C8orf34: variants seen among roughly 807,000 people sequenced by gnomAD.
The protein encoded by C8orf34 is uncharacterized protein C8orf34.
In C8orf34, 65 loss-of-function variants were observed where a neutral mutation model predicts 68.3. The observed-to-expected ratio is 0.95, with a 90% CI of 0.78 to 1.17. C8orf34 has a LOEUF of 1.17. Ranked by LOEUF, C8orf34 falls within the 50% of genes most tolerant of loss-of-function variation. The pLI is 0.00. For synonymous variants in C8orf34, 244 were observed against 241.2 expected, an observed-to-expected ratio of 1.01 and a Z score of -0.11; for missense variants, 664 against 655.4, an observed-to-expected ratio of 1.01 and a Z score of -0.14.
intron 6 of C8orf34, among the ~76,000 whole-genome samples, chr8:68,523,235 C>T (rs967356625): frequency 2.0e-5 from 3 of 152,160 alleles, no homozygotes; most frequent in African/African-American, 7.2e-5. Context: ...GCTTATAAAA[C>T]CTACTAGACT....
At chr8:68,808,630 T>C (rs1433807416) in intron 12 of C8orf34, among the ~76,000 whole-genome samples, 2 of 151,784 alleles carry the variant, frequency 1.3e-5, no homozygotes, top group East Asian at 1.9e-4. Context: ...TTATAAGTAA[T>C]GTAGAGATTA....
At chr8:68,410,827 A>G (rs1226047164) in intron 1 of C8orf34, among the ~76,000 whole-genome samples, 2 of 152,196 alleles carry the variant, frequency 1.3e-5, no homozygotes, top group East Asian at 3.8e-4. Flanking sequence ...GCAACTGCCA[A>G]CAGCACCCCT....
chr8:68,376,606 T>C (rs1380460529), intron 1 of C8orf34, among the ~76,000 whole-genome samples: 1 of 151,380 alleles, frequency 6.6e-6, no homozygotes, highest in African/African-American at 2.4e-5. Context: ...TGTGCATCTT[T>C]CTCCTTTTTT....
At chr8:68,538,468 C>CT (rs10719415) in intron 7 of C8orf34, among the ~76,000 whole-genome samples, 45 of 147,038 alleles carry the variant, frequency 3.1e-4, no homozygotes, top group East Asian at 6.0e-4. Flanking sequence ...CTCTAAAGTG[C>CT]TTTTTTTTTT....
chr8:68,586,036 A>G (rs1817200121), intron 7 of C8orf34, among the ~76,000 whole-genome samples: 2 of 152,244 alleles, frequency 1.3e-5, no homozygotes, highest in African/African-American at 2.4e-5. Flanking sequence ...GTTACCACCT[A>G]TTAATACAAA....
At chr8:68,815,345 G>T (rs1824777103) in intron 12 of C8orf34, among the ~76,000 whole-genome samples, 1 of 148,060 alleles carries the variant, frequency 6.8e-6, no homozygotes, top group Non-Finnish European at 1.5e-5. Flanking sequence ...CATATATATG[G>T]GTACACACAT....
chr8:68,522,026 G>T, intron 6 of C8orf34, 55 bp downstream of exon 6: 2 of 1,478,962 alleles, frequency 1.4e-6, no homozygotes, highest in Non-Finnish European at 1.8e-6. Context: ...AAGGTAAAGG[G>T]AAAATAAACC....
chr8:68,387,700 A>G (rs952807915), intron 1 of C8orf34, among the ~76,000 whole-genome samples: 1 of 152,144 alleles, frequency 6.6e-6, no homozygotes, highest in East Asian at 1.9e-4. Context: ...GTAGAAAACC[A>G]TTCTTAATGT....
intron 7 of C8orf34, among the ~76,000 whole-genome samples, chr8:68,628,100 T>G (rs940591158): frequency 2.5e-4 from 38 of 152,188 alleles, no homozygotes; most frequent in Non-Finnish European, 3.1e-4. Flanking sequence ...CTTATGTTAT[T>G]AAAATGGAAA....
intron 12 of C8orf34, among the ~76,000 whole-genome samples, chr8:68,788,349 G>A (rs568877463): frequency 2.0e-5 from 3 of 152,190 alleles, no homozygotes; most frequent in South Asian, 4.2e-4. Context: ...ACACTTCCAG[G>A]TTAAAAGCCA....
At chr8:68,743,619 G>A (rs146261480) in intron 10 of C8orf34, among the ~76,000 whole-genome samples, 197 of 152,350 alleles carry the variant, frequency 1.3e-3, no homozygotes, top group African/African-American at 4.0e-3. Flanking sequence ...AGAAAGGGGT[G>A]ACAGATGGCA....
chr8:68,527,519 C>T (rs1018270591), intron 6 of C8orf34, among the ~76,000 whole-genome samples: 1 of 152,150 alleles, frequency 6.6e-6, no homozygotes, highest in Non-Finnish European at 1.5e-5. Flanking sequence ...TTGCAGTGAG[C>T]TGAGATCGTG....
At chr8:68,786,295 C>T (rs1315593868) in intron 11 of C8orf34, among the ~76,000 whole-genome samples, 1 of 152,146 alleles carries the variant, frequency 6.6e-6, no homozygotes, top group African/African-American at 2.4e-5. Context: ...TTTTACCCTT[C>T]GTCCTCTCCT....
At chr8:68,793,485 T>C (rs1824073300) in intron 12 of C8orf34, among the ~76,000 whole-genome samples, 1 of 152,108 alleles carries the variant, frequency 6.6e-6, no homozygotes, top group Admixed American at 6.6e-5. Context: ...CTGGCAAACA[T>C]AAAAAGGAAC....
chr8:68,615,839 T>G (rs1246533742), intron 7 of C8orf34, among the ~76,000 whole-genome samples: 1 of 152,046 alleles, frequency 6.6e-6, no homozygotes, highest in African/African-American at 2.4e-5. Flanking sequence ...CTTTTTCTAT[T>G]GATTGGAATA....
At chr8:68,714,507 G>A (rs895965987) in intron 9 of C8orf34, among the ~76,000 whole-genome samples, 2 of 151,838 alleles carry the variant, frequency 1.3e-5, no homozygotes, top group African/African-American at 2.4e-5. Flanking sequence ...CAATCAAATC[G>A]AGAACTCAAC....
chr8:68,488,369 T>A (rs1813166480), intron 5 of C8orf34, among the ~76,000 whole-genome samples: 1 of 152,092 alleles, frequency 6.6e-6, no homozygotes, highest in Admixed American at 6.5e-5. Context: ...CACTTGTATC[T>A]AAATGATAAT....
chr8:68,449,092 C>G (rs1204250015), intron 3 of C8orf34, among the ~76,000 whole-genome samples: 2 of 151,928 alleles, frequency 1.3e-5, no homozygotes, highest in East Asian at 3.9e-4. Flanking sequence ...TTGAACAAGA[C>G]TATCAACTGC....
intron 8 of C8orf34, among the ~76,000 whole-genome samples, chr8:68,678,870 A>AC (rs1820276221): frequency 6.6e-6 from 1 of 152,004 alleles, no homozygotes; most frequent in African/African-American, 2.4e-5. Context: ...AAAAAAAAAA[A>AC]AAAAAACTGT....
Sources: gnomAD v4.1 joint callset for allele counts (sites outside exome capture counted in the v4.1 genomes callset) on GRCh38, gnomAD v4.1.1 for gene constraint, MANE v1.5 for transcripts, NCBI Gene and HGNC (gene_info 2026-07-23, HGNC 2026-07-21) for gene names.